The following IMMT variants were observed in gnomAD, a reference collection of about 807,000 sequenced individuals.
IMMT encodes the protein MICOS complex subunit MIC60.
Under a neutral mutation model 92.7 loss-of-function variants are expected in IMMT, and 40 were observed. The observed-to-expected ratio is 0.43, with a 90% CI of 0.34 to 0.56. IMMT has a LOEUF of 0.56. IMMT is among the 20% of genes least tolerant of loss of function. The pLI is 0.03. For missense variants in IMMT, 831 were observed against 912.1 expected (o/e 0.91, Z 1.14); for synonymous variants, 322 against 336.1 (o/e 0.96, Z 0.46).
intron 1 of IMMT, among the ~76,000 whole-genome samples, chr2:86,185,474 A>G (rs1452260697): frequency 6.6e-6 from 1 of 152,192 alleles, no homozygotes; most frequent in Admixed American, 6.5e-5. Context: ...TGCCCCTCAG[A>G]GAGTCTTTTT....
chr2:86,194,291 C>T (rs753817330), intron 1 of IMMT, among the ~76,000 whole-genome samples: 2 of 152,200 alleles, frequency 1.3e-5, no homozygotes, highest in Non-Finnish European at 2.9e-5. Context: ...AGACTTCTAT[C>T]CTACAGAACC....
At chr2:86,150,323 T>C (rs1336572200) in intron 12 of IMMT, among the ~76,000 whole-genome samples, 1 of 152,056 alleles carries the variant, frequency 6.6e-6, no homozygotes, top group Admixed American at 6.6e-5. Flanking sequence ...CAAGAACACT[T>C]AGAGACAGTT....
chr2:86,158,882 A>G (rs1281066611), intron 9 of IMMT, among the ~76,000 whole-genome samples, 161 bp from the exon 10 acceptor site: 2 of 152,122 alleles, frequency 1.3e-5, no homozygotes, highest in African/African-American at 4.8e-5. Context: ...GTTTCCTTCT[A>G]ATTCCTATTC....
chr2:86,187,258 C>G (rs943314595), intron 1 of IMMT, among the ~76,000 whole-genome samples: 1 of 152,162 alleles, frequency 6.6e-6, no homozygotes, highest in African/African-American at 2.4e-5. Flanking sequence ...CTTTCTGTTT[C>G]TATGAATCTG....
chr2:86,152,423 A>G (rs1316242740), intron 11 of IMMT, among the ~76,000 whole-genome samples: 1 of 142,846 alleles, frequency 7.0e-6, no homozygotes. Flanking sequence ...CCTGGGCAAC[A>G]GAGCAAGACT....
chr2:86,148,740 CA>C (rs1439460279), intron 12 of IMMT, among the ~76,000 whole-genome samples: 1 of 151,912 alleles, frequency 6.6e-6, no homozygotes, highest in East Asian at 1.9e-4. Context: ...CAAAAAAAAC[CA>C]AAAAATATAC....
intron 10 of IMMT, among the ~76,000 whole-genome samples, chr2:86,155,865 G>A (rs1394190225): frequency 6.6e-6 from 1 of 152,170 alleles, no homozygotes; most frequent in Non-Finnish European, 1.5e-5. Flanking sequence ...AAATACATAA[G>A]AAATCAGTAA....
intron 12 of IMMT, among the ~76,000 whole-genome samples, chr2:86,150,922 T>A (rs1356202173): frequency 2.6e-5 from 1 of 39,200 alleles, no homozygotes; most frequent in African/African-American, 1.0e-4. Context: ...CTGTCAGTAT[T>A]TTTTTTTTTT....
chr2:86,190,633 G>C (rs1673056991), intron 1 of IMMT, among the ~76,000 whole-genome samples: 1 of 152,218 alleles, frequency 6.6e-6, no homozygotes, highest in Non-Finnish European at 1.5e-5. Flanking sequence ...GAGTTCTAAA[G>C]CACATTTACT....
chr2:86,171,959 ATTT>A lies in IMMT; in HGVS notation c.422-617_422-615del, dbSNP rs869190735. Among the ~76,000 whole-genome samples the A allele has an allele frequency of 9.5e-4, 38 of 40,192 alleles. No homozygotes were observed. In the East Asian group the frequency reaches 0.015, roughly 16 times the overall value. 26.4% of individuals were successfully genotyped at this position (40,192 alleles called of 152,430 possible). ...AATCAATTTTTTGTGTGTGTAGTAT[ATTT>A]TTTTTTTTTTTTTTTTTTTTTGAGA... On this transcript the variant is annotated intron_variant, in intron 4 of 14. Coordinates refer to ENST00000410111, the MANE Select transcript of IMMT (RefSeq NM_006839.3).
chr2:86,193,972 A>G (rs1208257168), intron 1 of IMMT, among the ~76,000 whole-genome samples: 2 of 152,236 alleles, frequency 1.3e-5, no homozygotes, highest in African/African-American at 2.4e-5. Context: ...AGACCAAAGT[A>G]AAAGAAATTT....
At chr2:86,161,296 G>A (rs978493929) in intron 8 of IMMT, among the ~76,000 whole-genome samples, 4 of 151,800 alleles carry the variant, frequency 2.6e-5, no homozygotes, top group African/African-American at 9.7e-5. Flanking sequence ...CGAGTCGCTG[G>A]GACTACAGGC....
chr2:86,166,441 C>T, intron 7 of IMMT, 67 bp downstream of exon 7: 5 of 1,478,630 alleles, frequency 3.4e-6, no homozygotes, highest in Admixed American at 1.9e-5. Flanking sequence ...TCTCTCCACC[C>T]TCGATTTTTC....
rs1163966885 is a variant in IMMT at position 86,173,747 on chromosome 2, T to C, written c.324A>G (p.Pro108=). ...CTTCTGATACACTAGAGATTTTTAGTGGACCCGACTGAATCTTGGAAATAA... is the reference window on the plus strand; with the variant it reads ...CTTCTGATACACTAGAGATTTTTAGCGGACCCGACTGAATCTTGGAAATAA... ...PLPKKSIQSG[P]LKISSVSEVM... The change falls in exon 4 of 15, where the codon CCA becomes CCG. Residue 108 remains proline, a synonymous_variant. Transcript: ENST00000410111. 1 of 1,572,540 alleles carries C rather than the reference T, an allele frequency of 6.4e-7. No individual in the cohort carries two copies. The highest frequency in any genetic ancestry group is 1.7e-5 in the Admixed American group (1 of 58,646).
At chr2:86,150,239 G>A (rs1558812062) in intron 12 of IMMT, among the ~76,000 whole-genome samples, 2 of 152,216 alleles carry the variant, frequency 1.3e-5, no homozygotes, top group Non-Finnish European at 2.9e-5. Context: ...CTGAAGCCAA[G>A]GCAGAGGTCA....
At chr2:86,180,104 A>T (rs1227027661) in intron 2 of IMMT, among the ~76,000 whole-genome samples, 1 of 149,616 alleles carries the variant, frequency 6.7e-6, no homozygotes, top group Non-Finnish European at 1.5e-5. Flanking sequence ...AATAAATAAA[A>T]GTATGAATAA....
intron 7 of IMMT, among the ~76,000 whole-genome samples, chr2:86,164,052 A>ATTTTTTTTTTTTTTT (rs540613367): frequency 1.4e-4 from 9 of 63,030 alleles, no homozygotes; most frequent in African/African-American, 4.4e-4. Context: ...CACTTTAGTC[A>ATTTTTTTTTTTTTTT]TTTTTTTTTT....
At chr2:86,164,489 G>A (rs918766181) in intron 7 of IMMT, among the ~76,000 whole-genome samples, 5 of 150,926 alleles carry the variant, frequency 3.3e-5, no homozygotes, top group African/African-American at 9.7e-5. Context: ...TCATGAGTTC[G>A]AGACCAGCCT....
At chr2:86,156,355 G>C (rs1267322469) in intron 10 of IMMT, among the ~76,000 whole-genome samples, 1 of 152,174 alleles carries the variant, frequency 6.6e-6, no homozygotes, top group East Asian at 1.9e-4. Flanking sequence ...ACTTTGGGAG[G>C]CCGAGGTAGA....
Sources: gnomAD v4.1 joint callset for allele counts (sites outside exome capture counted in the v4.1 genomes callset) on GRCh38, gnomAD v4.1.1 for gene constraint, MANE v1.5 for transcripts, NCBI Gene and HGNC (gene_info 2026-07-23, HGNC 2026-07-21) for gene names.